The following SNRPA1 variants were observed in gnomAD, a reference collection of about 807,000 sequenced individuals.
SNRPA1 encodes the protein small nuclear ribonucleoprotein polypeptide A'.
SNRPA1 carries 5 observed loss-of-function variants against 32.3 expected under a neutral mutation model. The observed-to-expected ratio is 0.15, with a 90% CI of 0.08 to 0.33. The LOEUF (loss-of-function observed/expected upper bound fraction) is 0.33, where lower values mean the gene tolerates loss of function less well. Ranked by LOEUF, SNRPA1 falls within the 10% of genes least tolerant of loss-of-function variation. The pLI is 1.00. For synonymous variants in SNRPA1, 111 were observed against 120.1 expected (o/e 0.92, Z 0.50); for missense variants, 198 against 311.1 (o/e 0.64, Z 2.74).
chr15:101,284,584 C>A (rs571133047), intron 8 of SNRPA1, among the ~76,000 whole-genome samples: 1 of 151,520 alleles, frequency 6.6e-6, no homozygotes, highest in Admixed American at 6.6e-5. Context: ...CTCACCACAA[C>A]CTCCACCTCC....
intron 5 of SNRPA1, 154 bp from the exon 6 acceptor site, chr15:101,286,447 T>C: frequency 1.7e-6 from 1 of 587,346 alleles, no homozygotes; most frequent in Non-Finnish European, 2.9e-6. Context: ...GACACAGTGG[T>C]CTTCTTTCTT....
intron 7 of SNRPA1, among the ~76,000 whole-genome samples, chr15:101,285,431 TA>T (rs1157330421): frequency 6.6e-6 from 1 of 152,154 alleles, no homozygotes; most frequent in Non-Finnish European, 1.5e-5. Flanking sequence ...TCTTCGAAAG[TA>T]AAAATTAAGG....
chr15:101,287,498 T>C (rs1372787855), intron 4 of SNRPA1, among the ~76,000 whole-genome samples, 158 bp downstream of exon 4: 2 of 152,154 alleles, frequency 1.3e-5, no homozygotes, highest in East Asian at 3.9e-4. Context: ...TCCATGTCCC[T>C]ACAGAGGACA....
At chr15:101,284,917 A>G in intron 8 of SNRPA1, 50 bp downstream of exon 8, 6 of 1,385,790 alleles carry the variant, frequency 4.3e-6, no homozygotes, top group Non-Finnish European at 5.1e-6. Flanking sequence ...TGTGAGTTAC[A>G]CTCTGAGTGT....
Position 101,293,052 on chromosome 15 carries a change from G to A in SNRPA1, c.203C>T (p.Thr68Ile). 6.2e-7 allele frequency: 1 copy of A among 1,611,428 alleles called. No individual in the cohort carries two copies. Residue 68 changes from threonine (T) to isoleucine (I), a missense_variant, in exon 2 of 9, where the codon ACA becomes ATA. Thr to Ile is a moderately conservative substitution (Grantham distance 89). This residue lies in a region of SNRPA1 where 119 missense variants were observed against 171.6 expected (regional missense o/e 0.69). Transcript: ENST00000254193. ...DGFPLLRRLK[T>I]LLVNNNRICR... ...TATTCTGTTGTTGTTCACTAACAAT[G>A]TTTTCAGTCTTCTCAACAAAGGAAA...
chr15:101,293,709 A>T (rs1009064519), intron 1 of SNRPA1, among the ~76,000 whole-genome samples: 3 of 152,222 alleles, frequency 2.0e-5, no homozygotes, highest in African/African-American at 7.2e-5. Flanking sequence ...AATGGTTTAA[A>T]TACAGTAATA....
chr15:101,293,352 G>A, intron 1 of SNRPA1, 180 bp from the exon 2 acceptor site: 2 of 471,934 alleles, frequency 4.2e-6, no homozygotes, highest in Non-Finnish European at 7.7e-6. Context: ...GAGAGAAAAC[G>A]CTGAACGAGT....
intron 6 of SNRPA1, 159 bp downstream of exon 6, chr15:101,286,053 GAT>G: frequency 1.5e-6 from 1 of 663,444 alleles, no homozygotes; most frequent in South Asian, 1.9e-5. Flanking sequence ...AATTTCTTGT[GAT>G]GTGTGGACCA....
At position 101,285,011 on chromosome 15, in the gene SNRPA1, C is replaced by G. The variant is rs2039439257; in HGVS notation, c.665G>C (p.Gly222Ala). 6.2e-7 allele frequency: 1 copy of G among 1,614,010 alleles called. No individual in the cohort carries two copies. Among genetic ancestry groups the G allele is most frequent in the African/African-American group, 1.3e-5 (1 of 75,032 alleles). Residue 222 changes from glycine to alanine, a missense_variant, in exon 8 of 9, where the codon GGG becomes GCG. Physicochemically the swap from Gly to Ala is moderately conservative, Grantham distance 60. Coordinates refer to ENST00000254193, the MANE Select transcript of SNRPA1 (RefSeq NM_003090.4). ...STLAEVERLK[G>A]LLQSGQIPGR... ...AGGGATCTGACCAGACTGCAGCAAC[C>G]CCTTCAGCCTCTCCACTTCAGCCAG...
Position 101,281,757 on chromosome 15 carries a change from C to T in SNRPA1, c.735G>A (p.Glu245=). The change falls in exon 9 of 9, where the codon GAG becomes GAA. Residue 245 remains glutamate (E), a synonymous_variant. Coordinates refer to ENST00000254193, the MANE Select transcript of SNRPA1 (RefSeq NM_003090.4). ...CGTTTGTGACTGTGTCTTCTTCCATCTCTTCTTCACCATCATCAGTGGGCC... is the reference window on the plus strand; with the variant it reads ...CGTTTGTGACTGTGTCTTCTTCCATTTCTTCTTCACCATCATCAGTGGGCC... ...RSGPTDDGEE[E]MEEDTVTNGS is the part of the protein sequence containing the mutation. 1 of 1,614,118 alleles carries T rather than the reference C, an allele frequency of 6.2e-7. No individual in the cohort carries two copies. Among genetic ancestry groups the T allele is most frequent in the Non-Finnish European group, 8.5e-7 (1 of 1,179,938 alleles).
intron 3 of SNRPA1, 178 bp from the exon 4 acceptor site, chr15:101,287,880 A>G (rs1363727857): frequency 1.7e-5 from 10 of 572,362 alleles, no homozygotes; most frequent in Admixed American, 6.0e-5. Context: ...CGATGAATAC[A>G]TGGGAGCTTC....
chr15:101,284,365 T>C (rs914083496), intron 8 of SNRPA1, among the ~76,000 whole-genome samples: 1 of 152,232 alleles, frequency 6.6e-6, no homozygotes, highest in Non-Finnish European at 1.5e-5. Flanking sequence ...TGAGGTATCA[T>C]GCACACACGC....
intron 3 of SNRPA1, 135 bp downstream of exon 3, chr15:101,291,827 C>A: frequency 1.7e-6 from 1 of 587,814 alleles, no homozygotes. Context: ...ACCCAAAAGG[C>A]CCAGATCCTG....
intron 1 of SNRPA1, among the ~76,000 whole-genome samples, chr15:101,293,702 G>A (rs1389600815): frequency 6.6e-6 from 1 of 152,074 alleles, no homozygotes; most frequent in African/African-American, 2.4e-5. Flanking sequence ...GAAGATCAAT[G>A]GTTTAAATAC....
Position 101,286,202 on chromosome 15 carries a change from TC to T in SNRPA1, c.539+11del, listed in dbSNP as rs1338151929. ...AGGTGAAGTAGAGTTAAGTTGGATATCCGTGTCTTACGTTTTGCTTCTCCTG... is the reference window on the plus strand; with the variant it reads ...AGGTGAAGTAGAGTTAAGTTGGATATCGTGTCTTACGTTTTGCTTCTCCTG... On this transcript the variant is annotated intron_variant, in intron 6 of 8. Coordinates refer to ENST00000254193, the MANE Select transcript of SNRPA1 (RefSeq NM_003090.4). 5 of 1,610,062 alleles carry T rather than the reference TC, an allele frequency of 3.1e-6. No homozygotes were observed. Among genetic ancestry groups the T allele is most frequent in the Admixed American group, 3.3e-5 (2 of 59,964 alleles).
At chr15:101,289,006 G>A (rs557064715) in intron 3 of SNRPA1, among the ~76,000 whole-genome samples, 17 of 152,064 alleles carry the variant, frequency 1.1e-4, no homozygotes, top group African/African-American at 4.1e-4. Flanking sequence ...GAGGCACAAT[G>A]AGAAAAAAAA....
At chr15:101,283,180 G>A (rs892593059) in intron 8 of SNRPA1, among the ~76,000 whole-genome samples, 11 of 152,282 alleles carry the variant, frequency 7.2e-5, no homozygotes, top group East Asian at 3.9e-4. Context: ...TGAGGTGCCC[G>A]CAGTTCTACC....
At chr15:101,293,906 T>A (rs574764810) in intron 1 of SNRPA1, among the ~76,000 whole-genome samples, 4 of 152,342 alleles carry the variant, frequency 2.6e-5, no homozygotes, top group African/African-American at 9.6e-5. Flanking sequence ...ACACTGCACA[T>A]GCTCCATAAA....
At chr15:101,292,421 T>A (rs531022083) in intron 2 of SNRPA1, among the ~76,000 whole-genome samples, 2 of 152,166 alleles carry the variant, frequency 1.3e-5, no homozygotes, top group Non-Finnish European at 2.9e-5. Flanking sequence ...GGTTAACCTA[T>A]GAGAAATATT....
Sources: gnomAD v4.1 joint callset for allele counts (sites outside exome capture counted in the v4.1 genomes callset) on GRCh38, gnomAD v4.1.1 for gene constraint, gnomAD v4.1.1 regional missense constraint, MANE v1.5 for transcripts, NCBI Gene and HGNC (gene_info 2026-07-23, HGNC 2026-07-21) for gene names.